NR3C2: variants seen among roughly 807,000 people sequenced by gnomAD.
NR3C2 encodes nuclear receptor subfamily 3 group C member 2.
NR3C2 carries 15 observed loss-of-function variants against 86.4 expected under a neutral mutation model. The ratio of observed to expected loss-of-function variants is 0.17; its 90% CI spans 0.12 to 0.27. The LOEUF (loss-of-function observed/expected upper bound fraction) is 0.27, where lower values mean the gene tolerates loss of function less well. Ranked by LOEUF, NR3C2 falls within the 10% of genes least tolerant of loss-of-function variation. The probability of loss-of-function intolerance (pLI) is 1.00; values close to 1 mark genes in which losing one functional copy is unlikely to be tolerated. For synonymous variants in NR3C2, 458 were observed against 450.5 expected (o/e 1.02, Z -0.21); for missense variants, 960 against 1,195.6 (o/e 0.80, Z 2.91).
At chr4:148,403,024 A>G (rs938911274) in intron 2 of NR3C2, among the ~76,000 whole-genome samples, 2 of 152,018 alleles carry the variant, frequency 1.3e-5, no homozygotes, top group African/African-American at 4.8e-5. Context: ...ATGCATATAT[A>G]TTTGTATGTG....
chr4:148,113,778 G>A (rs866117340), intron 8 of NR3C2, among the ~76,000 whole-genome samples: 5 of 152,166 alleles, frequency 3.3e-5, no homozygotes, highest in Admixed American at 6.5e-5. Context: ...AATGCAGGTC[G>A]TCCAGGGGAT....
Position 148,436,770 on chromosome 4 carries a change from G to A in NR3C2, c.91C>T (p.Leu31=), listed in dbSNP as rs760643432. The A allele has an allele frequency of 3.7e-6, 6 of 1,613,972 alleles. No individual in the cohort carries two copies. Among genetic ancestry groups the A allele is most frequent in the Non-Finnish European group, 5.1e-6 (6 of 1,179,926 alleles). The change falls in exon 2 of 9, where the codon CTG becomes TTG. Residue 31 remains leucine (L), a synonymous_variant. Coordinates refer to ENST00000358102, the MANE Select transcript of NR3C2 (RefSeq NM_000901.5). ...TCATCGGTCCTCTCTGTAGGTCCCAGGGAAGAACGCTCCACAGCCTGAGAA... is the reference window on the plus strand; with the variant it reads ...TCATCGGTCCTCTCTGTAGGTCCCAAGGAAGAACGCTCCACAGCCTGAGAA... ...QVSQAVERSS[L]GPTERTDENN...
chr4:148,104,948 T>G (rs757893804), intron 8 of NR3C2, among the ~76,000 whole-genome samples: 7 of 152,208 alleles, frequency 4.6e-5, no homozygotes, highest in African/African-American at 9.6e-5. Context: ...GGAGAAACTT[T>G]GCCTGAGTGG....
intron 2 of NR3C2, among the ~76,000 whole-genome samples, chr4:148,288,264 A>G (rs576774779): frequency 6.6e-6 from 1 of 152,350 alleles, no homozygotes; most frequent in East Asian, 1.9e-4. Flanking sequence ...GATCTAATAC[A>G]TGACTATTTT....
chr4:148,097,594 A>G (rs1332516721), intron 8 of NR3C2, among the ~76,000 whole-genome samples: 1 of 152,188 alleles, frequency 6.6e-6, no homozygotes, highest in Non-Finnish European at 1.5e-5. Context: ...TTGACACTAG[A>G]ATCAAAGGCT....
chr4:148,315,479 C>A (rs948272101), intron 2 of NR3C2, among the ~76,000 whole-genome samples: 2 of 152,230 alleles, frequency 1.3e-5, no homozygotes, highest in Non-Finnish European at 2.9e-5. Flanking sequence ...CAACGATGCT[C>A]TCAGGATGCA....
chr4:148,338,611 C>A (rs968662242), intron 2 of NR3C2, among the ~76,000 whole-genome samples: 1 of 152,076 alleles, frequency 6.6e-6, no homozygotes, highest in Admixed American at 6.6e-5. Context: ...ACAGGGTAAG[C>A]CCATTGCTGA....
intron 2 of NR3C2, among the ~76,000 whole-genome samples, chr4:148,356,813 AAT>A (rs1745568539): frequency 6.7e-6 from 1 of 148,724 alleles, no homozygotes; most frequent in Non-Finnish European, 1.5e-5. Flanking sequence ...ATTAAAATGA[AAT>A]AGTCATTCAA....
Position 148,136,087 on chromosome 4 carries a change from A to AAAAC in NR3C2, c.2511-15800_2511-15799insGTTT, listed in dbSNP as rs1560940053. 6.1e-4 allele frequency among the ~76,000 whole-genome samples: 48 copies of AAAAC among 79,236 alleles called. 3 individuals are homozygous for AAAAC. Among genetic ancestry groups the AAAAC allele is most frequent in the African/African-American group, 2.0e-3 (46 of 22,878 alleles). The allele number at this position is 79,236 out of a possible 152,430, so 52.0% of individuals were successfully genotyped here. On this transcript the variant is annotated intron_variant, in intron 6 of 8. Transcript: ENST00000358102. The stretch of plus-strand genomic sequence containing the variant: ...AAAAAAAAAAAAAAACAAAAAAAAA[A>AAAAC]AACACCACCAAAACCAACAAAAAAA...
intron 2 of NR3C2, among the ~76,000 whole-genome samples, chr4:148,342,631 C>A (rs1387974788): frequency 6.6e-6 from 1 of 152,122 alleles, no homozygotes; most frequent in Non-Finnish European, 1.5e-5. Context: ...TCTGAACCTG[C>A]TGTGGGGATT....
At chr4:148,168,567 G>A (rs576015166) in intron 4 of NR3C2, among the ~76,000 whole-genome samples, 7 of 152,268 alleles carry the variant, frequency 4.6e-5, no homozygotes, top group African/African-American at 1.4e-4. Flanking sequence ...AGAAATGTGT[G>A]AAAACACATT....
At chr4:148,418,493 T>C (rs1324307303) in intron 2 of NR3C2, among the ~76,000 whole-genome samples, 1 of 152,180 alleles carries the variant, frequency 6.6e-6, no homozygotes, top group Non-Finnish European at 1.5e-5. Flanking sequence ...AATTAAGTTC[T>C]CACAAAGAAC....
intron 2 of NR3C2, among the ~76,000 whole-genome samples, chr4:148,402,371 C>T (rs1748213642): frequency 6.6e-6 from 1 of 152,236 alleles, no homozygotes; most frequent in Non-Finnish European, 1.5e-5. Context: ...TCAGCAACTA[C>T]AACTGTACTG....
intron 2 of NR3C2, among the ~76,000 whole-genome samples, chr4:148,289,289 A>AC (rs1157463653): frequency 2.0e-5 from 3 of 151,358 alleles, no homozygotes; most frequent in Non-Finnish European, 4.4e-5. Flanking sequence ...AAAAAAAAAA[A>AC]ACCATGATGT....
At chr4:148,114,288 ATT>A (rs1256934017) in intron 7 of NR3C2, 27 bp from the exon 8 acceptor site, 1 of 1,612,676 alleles carries the variant, frequency 6.2e-7, no homozygotes, top group African/African-American at 1.3e-5. Context: ...AGACATGTAA[ATT>A]TCCAGGATGG....
At chr4:148,141,611 G>A (rs1353461599) in intron 6 of NR3C2, among the ~76,000 whole-genome samples, 1 of 152,124 alleles carries the variant, frequency 6.6e-6, no homozygotes, top group Admixed American at 6.5e-5. Flanking sequence ...TAGAGCAGGG[G>A]TCCCCAAGCC....
chr4:148,335,834 C>T (rs1328301093), intron 2 of NR3C2, among the ~76,000 whole-genome samples: 1 of 151,210 alleles, frequency 6.6e-6, no homozygotes, highest in African/African-American at 2.4e-5. Flanking sequence ...AATGTTTATA[C>T]ACAAAAATTT....
At chr4:148,429,005 G>A (rs1327800998) in intron 2 of NR3C2, among the ~76,000 whole-genome samples, 1 of 151,900 alleles carries the variant, frequency 6.6e-6, no homozygotes, top group Non-Finnish European at 1.5e-5. Context: ...CCCCAACCCC[G>A]ACATCACAGC....
At chr4:148,417,288 C>T (rs1201634205) in intron 2 of NR3C2, among the ~76,000 whole-genome samples, 3 of 152,144 alleles carry the variant, frequency 2.0e-5, no homozygotes, top group Admixed American at 6.5e-5. Flanking sequence ...TGTATGTATG[C>T]ATGTGTGTAT....
Sources: gnomAD v4.1 joint callset for allele counts (sites outside exome capture counted in the v4.1 genomes callset) on GRCh38, gnomAD v4.1.1 for gene constraint, MANE v1.5 for transcripts, NCBI Gene and HGNC (gene_info 2026-07-23, HGNC 2026-07-21) for gene names.